Variants in TENM2 observed in about 807,000 individuals in gnomAD.
The protein encoded by TENM2 is teneurin-2.
In TENM2, 52 loss-of-function variants were observed where a neutral mutation model predicts 245.2. The observed-to-expected ratio is 0.21, with a 90% CI of 0.17 to 0.27. TENM2 has a LOEUF of 0.27. Among genes scored for constraint, TENM2 ranks in the 10% least tolerant of loss-of-function variants. The pLI is 1.00. For missense variants in TENM2, 3,046 were observed against 3,666.8 expected (o/e 0.83, Z 4.37); for synonymous variants, 1,363 against 1,438.9 (o/e 0.95, Z 1.19).
At chr5:167,248,126 T>C in the TENM2 span, among the ~76,000 whole-genome samples, 2 of 152,220 alleles carry the variant, frequency 1.3e-5, no homozygotes, top group African/African-American at 4.8e-5. Context: ...TTGTAGATTT[T>C]AAAATAGCAC....
At chr5:167,986,137 C>T (rs1330681578) in intron 4 of TENM2, among the ~76,000 whole-genome samples, 3 of 152,312 alleles carry the variant, frequency 2.0e-5, no homozygotes, top group African/African-American at 7.2e-5. Flanking sequence ...CAATTTGAAG[C>T]AGAAGCCTGG....
At chr5:167,447,542 G>A (rs1174655733) in intron 2 of TENM2, among the ~76,000 whole-genome samples, 2 of 152,136 alleles carry the variant, frequency 1.3e-5, no homozygotes, top group Admixed American at 1.3e-4. Flanking sequence ...CTTGGGTGAG[G>A]ATCTCTTACG....
chr5:167,674,465 C>A (rs751374020), intron 2 of TENM2, among the ~76,000 whole-genome samples: 2 of 151,986 alleles, frequency 1.3e-5, no homozygotes, highest in Non-Finnish European at 2.9e-5. Context: ...CACATTTTTT[C>A]CCATGGAGGC....
intron 2 of TENM2, among the ~76,000 whole-genome samples, chr5:167,665,624 G>A (rs1483312397): frequency 1.3e-5 from 2 of 152,106 alleles, no homozygotes; most frequent in African/African-American, 2.4e-5. Context: ...GGTTACTTGC[G>A]GTTCCATTCT....
intron 2 of TENM2, among the ~76,000 whole-genome samples, chr5:167,670,008 A>C (rs1311226382): frequency 6.6e-6 from 1 of 152,142 alleles, no homozygotes; most frequent in Non-Finnish European, 1.5e-5. Context: ...AGCTCCCTGC[A>C]TGTGTGAAAG....
At chr5:167,323,679 G>T (rs540186202) in intron 1 of TENM2, among the ~76,000 whole-genome samples, 9 of 152,112 alleles carry the variant, frequency 5.9e-5, no homozygotes, top group Non-Finnish European at 1.3e-4. Flanking sequence ...TTTGATAAAT[G>T]TTACACAGGT....
intron 2 of TENM2, among the ~76,000 whole-genome samples, chr5:167,840,635 C>G (rs948323647): frequency 1.3e-5 from 2 of 151,932 alleles, no homozygotes; most frequent in Non-Finnish European, 2.9e-5. Flanking sequence ...CCTAGTCTCA[C>G]AAGAGAGTAG....
intron 2 of TENM2, among the ~76,000 whole-genome samples, chr5:167,859,368 G>A (rs1342400104): frequency 7.5e-5 from 11 of 147,330 alleles, no homozygotes; most frequent in South Asian, 2.2e-4. Flanking sequence ...CACCCCGTCC[G>A]GGAGGGAGGT....
At chr5:168,076,229 TTTTA>T (rs1791464269) in intron 7 of TENM2, among the ~76,000 whole-genome samples, 1 of 106,080 alleles carries the variant, frequency 9.4e-6, no homozygotes, top group Admixed American at 8.8e-5. Context: ...TTTTATTTTA[TTTTA>T]TTTTATTTTT....
intron 2 of TENM2, among the ~76,000 whole-genome samples, chr5:167,723,320 G>GCT (rs1759763991): frequency 6.6e-6 from 1 of 152,072 alleles, no homozygotes. Flanking sequence ...TCTCTCCCTT[G>GCT]CTCACTCTTG....
At chr5:167,842,750 T>G (rs1413251242) in intron 2 of TENM2, among the ~76,000 whole-genome samples, 2 of 152,178 alleles carry the variant, frequency 1.3e-5, no homozygotes, top group Non-Finnish European at 2.9e-5. Flanking sequence ...ACTGAGCAAG[T>G]GCTTTGCTTC....
chr5:168,114,387 T>C (rs1187326082), intron 9 of TENM2, among the ~76,000 whole-genome samples: 1 of 152,218 alleles, frequency 6.6e-6, no homozygotes, highest in East Asian at 1.9e-4. Flanking sequence ...TCAGTGTCAT[T>C]TTTCTATAAC....
At chr5:167,264,105 C>CAAAAAAAAAAAAAAAAAAA in the TENM2 span, among the ~76,000 whole-genome samples, 1 of 106,990 alleles carries the variant, frequency 9.3e-6, no homozygotes, top group Non-Finnish European at 2.1e-5. Flanking sequence ...AACTCTGTCT[C>CAAAAAAAAAAAAAAAAAAA]AAAAAAAAAA....
Position 168,218,084 on chromosome 5 carries a change from A to G in TENM2, c.4234-41A>G, listed in dbSNP as rs774810222. On this transcript the variant is annotated intron_variant, in intron 22 of 28. Coordinates refer to ENST00000518659, the Ensembl canonical transcript of TENM2. The surrounding 1 kb of genome is among the most constrained non-coding windows in gnomAD (Gnocchi z 5.2). ...TGCCGTACGGTTAAACGTTGGACAT[A>G]TTAAAGGCTGTTCTTTAATCTGATA... 1.9e-6 allele frequency: 3 copies of G among 1,589,234 alleles called. No individual in the cohort carries two copies. The highest frequency in any genetic ancestry group is 2.2e-5 in the East Asian group (1 of 44,556).
chr5:168,052,196 G>A (rs936032420), intron 6 of TENM2, among the ~76,000 whole-genome samples: 3 of 151,968 alleles, frequency 2.0e-5, no homozygotes, highest in South Asian at 2.1e-4. Context: ...GACCATCCTG[G>A]CTAACATGGT....
intron 2 of TENM2, among the ~76,000 whole-genome samples, chr5:167,842,006 C>T (rs1180793131): frequency 2.0e-5 from 3 of 152,036 alleles, no homozygotes; most frequent in Non-Finnish European, 4.4e-5. Context: ...GTATTTTACA[C>T]ATTGTATAGC....
At chr5:167,264,888 A>G in the TENM2 span, among the ~76,000 whole-genome samples, 5 of 152,218 alleles carry the variant, frequency 3.3e-5, no homozygotes, top group African/African-American at 1.2e-4. Flanking sequence ...CTGGATGCCC[A>G]AGATACATGC....
At chr5:167,469,454 A>T (rs1766870676) in intron 2 of TENM2, among the ~76,000 whole-genome samples, 1 of 152,166 alleles carries the variant, frequency 6.6e-6, no homozygotes, top group Non-Finnish European at 1.5e-5. Flanking sequence ...GCTTAAATGC[A>T]ATATGTTAGA....
intron 2 of TENM2, among the ~76,000 whole-genome samples, chr5:167,772,411 A>G (rs1160016024): frequency 6.6e-6 from 1 of 152,174 alleles, no homozygotes; most frequent in Non-Finnish European, 1.5e-5. Flanking sequence ...CACTGTCAGG[A>G]CATCACACTT....
Sources: allele counts gnomAD v4.1 joint callset (sites outside exome capture counted in the v4.1 genomes callset), GRCh38; gene constraint gnomAD v4.1.1; non-coding constraint Gnocchi (gnomAD v3.1); transcripts MANE v1.5; gene names NCBI Gene and HGNC (gene_info 2026-07-23, HGNC 2026-07-21).